The following NDUFA5 variants were observed in gnomAD, a reference collection of about 807,000 sequenced individuals.
NDUFA5 encodes the protein NADH:ubiquinone oxidoreductase subunit A5.
Under a neutral mutation model 19.8 loss-of-function variants are expected in NDUFA5, and 11 were observed. That is an observed-to-expected ratio of 0.56 (90% CI 0.35 to 0.92). NDUFA5 has a LOEUF of 0.92. Among genes scored for constraint, NDUFA5 ranks in the 40% least tolerant of loss-of-function variants. The probability of loss-of-function intolerance (pLI) is 0.01; values close to 1 mark genes in which losing one functional copy is unlikely to be tolerated. For missense variants in NDUFA5, 109 were observed against 134.2 expected (o/e 0.81, Z 0.93); for synonymous variants, 47 against 46.8 (o/e 1.00, Z -0.01).
upstream of NDUFA5, chr7:123,558,255 C>G: frequency 5.3e-6 from 1 of 187,520 alleles, no homozygotes; most frequent in Non-Finnish European, 1.1e-5. Flanking sequence ...GTTCTTCGCA[C>G]AAGGATATCA....
the NDUFA5 span, among the ~76,000 whole-genome samples, chr7:123,586,891 C>G: frequency 1.3e-5 from 2 of 151,490 alleles, no homozygotes; most frequent in Non-Finnish European, 3.0e-5. Context: ...GCTCTGTGCT[C>G]TCTTTTGATG....
the NDUFA5 span, among the ~76,000 whole-genome samples, chr7:123,585,394 C>T: frequency 6.6e-6 from 1 of 151,764 alleles, no homozygotes; most frequent in Admixed American, 6.6e-5. Context: ...AGTCCTCAAA[C>T]TGACACATTA....
Position 123,556,689 on chromosome 7 carries a change from T to C in NDUFA5, c.66+715A>G, listed in dbSNP as rs1188066596. 7.8e-6 allele frequency: 3 copies of C among 383,554 alleles called. No homozygotes were observed. The East Asian group carries it at 2.0e-4, about 26-fold the overall frequency. 23.8% of individuals were successfully genotyped at this position (383,554 alleles called of 1,614,324 possible). On this transcript the variant is annotated intron_variant, in intron 2 of 4. Transcript: ENST00000355749. ...TTGGATTTGGCAACATGGAGATAAC[T>C]GGTGAACTTGAAAAGAGCGTGATGG... is the stretch of plus-strand genomic sequence containing the variant.
the NDUFA5 span, among the ~76,000 whole-genome samples, chr7:123,563,613 G>A: frequency 0.54 from 81,885 of 152,100 alleles, 22,638 homozygotes; most frequent in African/African-American, 0.67. Flanking sequence ...AGTACATGCT[G>A]TTGGAAAAAA....
the NDUFA5 span, among the ~76,000 whole-genome samples, chr7:123,594,980 G>A: frequency 2.0e-5 from 3 of 152,170 alleles, no homozygotes; most frequent in Non-Finnish European, 2.9e-5. Flanking sequence ...TACACTGTGA[G>A]CATAAAACCG....
the NDUFA5 span, among the ~76,000 whole-genome samples, chr7:123,575,052 T>C: frequency 7.1e-6 from 1 of 140,346 alleles, no homozygotes; most frequent in African/African-American, 2.7e-5. Flanking sequence ...ATATGACAGG[T>C]ATGTTTCCTT....
chr7:123,541,440 C>T lies in NDUFA5; in HGVS notation c.*679G>A, dbSNP rs1189124549. On this transcript the variant is annotated 3_prime_UTR_variant, in exon 5 of 5. Coordinates refer to ENST00000355749, the MANE Select transcript of NDUFA5 (RefSeq NM_005000.5). ...AATTTCTTTAACTGTACAATGTATTCTAATTTGAAGGTTTTCAAATATAAT... is the reference window on the plus strand; with the variant it reads ...AATTTCTTTAACTGTACAATGTATTTTAATTTGAAGGTTTTCAAATATAAT... 1 of 152,048 alleles carries T rather than the reference C, an allele frequency of 6.6e-6. No homozygotes were observed. Among genetic ancestry groups the T allele is most frequent in the Non-Finnish European group, 1.5e-5 (1 of 68,006 alleles). 9.4% of individuals were successfully genotyped at this position (152,048 alleles called of 1,614,324 possible). A position where few individuals can be genotyped will look rare whatever the true frequency, so the allele number is the denominator to read the frequency against.
the NDUFA5 span, among the ~76,000 whole-genome samples, chr7:123,580,540 C>T: frequency 6.6e-6 from 1 of 152,018 alleles, no homozygotes; most frequent in Non-Finnish European, 1.5e-5. Flanking sequence ...ATGACACCTA[C>T]TTTGCAAGAA....
At chr7:123,599,910 T>C in the NDUFA5 span, among the ~76,000 whole-genome samples, 2 of 152,168 alleles carry the variant, frequency 1.3e-5, no homozygotes, top group African/African-American at 2.4e-5. Context: ...CTAGAGGCAC[T>C]GTTTGAAAAG....
intron 2 of NDUFA5, chr7:123,551,352 G>A (rs563420701): frequency 6.5e-6 from 1 of 154,344 alleles, no homozygotes; most frequent in African/African-American, 2.4e-5. Context: ...GGGATTACAG[G>A]TACCCGCCAC....
rs996688421 is a variant in NDUFA5, at chr7:123,541,760, T to C, written c.*359A>G. On this transcript the variant is annotated 3_prime_UTR_variant, in exon 5 of 5. Transcript: ENST00000355749. ...ATAATAATTAAGGACCTTTCCTTCT[T>C]CAGGATAACTTAAAAAATTAAATGA... The C allele has an allele frequency of 6.5e-6, 1 of 153,744 alleles. No individual in the cohort carries two copies. Among genetic ancestry groups the C allele is most frequent in the Non-Finnish European group, 1.4e-5 (1 of 69,138 alleles). 9.5% of individuals were successfully genotyped at this position (153,744 alleles called of 1,614,324 possible).
Position 123,557,458 on chromosome 7 carries a change from A to C in NDUFA5, c.22-10T>G. The C allele has an allele frequency of 6.2e-7, 1 of 1,612,624 alleles. No homozygotes were observed. Among genetic ancestry groups the C allele is most frequent in the Non-Finnish European group, 8.5e-7 (1 of 1,179,248 alleles). On this transcript the variant is annotated splice_polypyrimidine_tract_variant and intron_variant, in intron 1 of 4. Transcript: ENST00000355749. ...CCACAAGGCCAGTGGTCTGTTCAAA[A>C]ACAAAACACGATTCATGCTGTTTAC...
chr7:123,571,606 A>G, the NDUFA5 span, among the ~76,000 whole-genome samples: 6 of 152,256 alleles, frequency 3.9e-5, no homozygotes, highest in African/African-American at 1.4e-4. Context: ...GAAGCATTAT[A>G]TCAAAAAATA....
At chr7:123,590,237 A>T in the NDUFA5 span, among the ~76,000 whole-genome samples, 3 of 151,808 alleles carry the variant, frequency 2.0e-5, no homozygotes, top group Admixed American at 6.6e-5. Flanking sequence ...TGTCAGATGG[A>T]TAGGTTGCAA....
At chr7:123,573,404 A>G in the NDUFA5 span, among the ~76,000 whole-genome samples, 1 of 150,402 alleles carries the variant, frequency 6.6e-6, no homozygotes, top group African/African-American at 2.5e-5. Context: ...CATTTTGCCT[A>G]GAGCTCCCAG....
At chr7:123,543,616 A>C (rs1226399497) in intron 4 of NDUFA5, among the ~76,000 whole-genome samples, 1 of 152,156 alleles carries the variant, frequency 6.6e-6, no homozygotes, top group Admixed American at 6.5e-5. Flanking sequence ...AAATACTAAA[A>C]TTAATTTACC....
chr7:123,546,240 G>A (rs1209413790), intron 3 of NDUFA5, among the ~76,000 whole-genome samples: 1 of 151,986 alleles, frequency 6.6e-6, no homozygotes, highest in Non-Finnish European at 1.5e-5. Flanking sequence ...CAACAATATA[G>A]GTGATTCTCT....
chr7:123,549,799 A>G (rs951245621), intron 3 of NDUFA5, among the ~76,000 whole-genome samples: 16 of 152,204 alleles, frequency 1.1e-4, no homozygotes, highest in Non-Finnish European at 1.9e-4. Context: ...AAAATACGAT[A>G]TAATACAAAC....
rs1169486320 is a variant in NDUFA5 at position 123,539,954 on chromosome 7, A to AT, written c.*2164dup. On this transcript the variant is annotated 3_prime_UTR_variant, in exon 5 of 5. Coordinates refer to ENST00000355749, the MANE Select transcript of NDUFA5 (RefSeq NM_005000.5). Reference sequence around the variant, plus strand: ...CCCAAGCATATTCATAAATAATAATATAACAGGAGCATCAGTTCTAGAACC... The same window carrying AT: ...CCCAAGCATATTCATAAATAATAATATTAACAGGAGCATCAGTTCTAGAACC... The AT allele has an allele frequency of 6.6e-6, 1 of 152,220 alleles. No individual in the cohort carries two copies. Among genetic ancestry groups the AT allele is most frequent in the African/African-American group, 2.4e-5 (1 of 41,446 alleles). The allele number at this position is 152,220 out of a possible 1,614,324, so 9.4% of individuals were successfully genotyped here. A position where few individuals can be genotyped will look rare whatever the true frequency, so the allele number is the denominator to read the frequency against.
Sources: allele counts gnomAD v4.1 joint callset (sites outside exome capture counted in the v4.1 genomes callset), GRCh38; gene constraint gnomAD v4.1.1; transcripts MANE v1.5; gene names NCBI Gene and HGNC (gene_info 2026-07-23, HGNC 2026-07-21).